Variants in TAFA1 observed in about 807,000 individuals in gnomAD.
The protein encoded by TAFA1 is chemokine-like protein TAFA-1.
TAFA1 carries 4 observed loss-of-function variants against 18.5 expected under a neutral mutation model. The ratio of observed to expected loss-of-function variants is 0.22; its 90% CI spans 0.11 to 0.49. The LOEUF (loss-of-function observed/expected upper bound fraction) is 0.49. Among genes scored for constraint, TAFA1 ranks in the 20% least tolerant of loss-of-function variants. The pLI, the probability that TAFA1 is intolerant of heterozygous loss-of-function variation, is 0.98. For synonymous variants in TAFA1, 56 were observed against 55.2 expected (o/e 1.01, Z -0.06); for missense variants, 147 against 169.0 (o/e 0.87, Z 0.72).
chr3:68,238,211 A>G (rs2066953780), intron 2 of TAFA1, among the ~76,000 whole-genome samples: 1 of 152,152 alleles, frequency 6.6e-6, no homozygotes, highest in South Asian at 2.1e-4. Flanking sequence ...CAAGTGTCCA[A>G]GAGGTGGTCT....
intron 2 of TAFA1, among the ~76,000 whole-genome samples, chr3:68,067,068 C>T (rs6792366): frequency 0.011 from 1,685 of 152,232 alleles, 36 homozygotes; most frequent in African/African-American, 0.038. Context: ...GGGTGACTGG[C>T]GTAGAGCCAG....
At position 68,019,994 on chromosome 3, in the gene TAFA1, T is replaced by A. The variant is rs562723832; in HGVS notation, c.118+13250T>A. 4.6e-5 allele frequency among the ~76,000 whole-genome samples: 7 copies of A among 152,296 alleles called. No homozygotes were observed. The South Asian group carries it at 1.4e-3, about 32-fold the overall frequency. On this transcript the variant is annotated intron_variant, in intron 2 of 4. Transcript: ENST00000478136. Reference sequence around the variant, plus strand: ...ATTGAGTAATTAAATGAGACAGGAATAAATTCAGAAACAACCAGAATAACT... The same window carrying A: ...ATTGAGTAATTAAATGAGACAGGAAAAAATTCAGAAACAACCAGAATAACT...
At position 68,333,693 on chromosome 3, in the gene TAFA1, C is replaced by T. The variant is rs1003886847; in HGVS notation, c.119-83587C>T. 2.1e-4 allele frequency among the ~76,000 whole-genome samples: 32 copies of T among 152,032 alleles called. No homozygotes were observed. The South Asian group carries it at 2.9e-3, about 14-fold the overall frequency. On this transcript the variant is annotated intron_variant, in intron 2 of 4. Coordinates refer to ENST00000478136, the MANE Select transcript of TAFA1 (RefSeq NM_213609.4). ...TTTGTGGTTGTATAACCAAAGGAAA[C>T]GAAATCAGTGAGTGAAAGAGAGATC...
At chr3:68,054,867 T>C (rs2064514454) in intron 2 of TAFA1, among the ~76,000 whole-genome samples, 2 of 152,250 alleles carry the variant, frequency 1.3e-5, no homozygotes, top group South Asian at 4.1e-4. Context: ...TCTAAGGTTA[T>C]AGCACTAGTT....
chr3:68,355,236 T>C (rs1279227649), intron 2 of TAFA1, among the ~76,000 whole-genome samples: 1 of 151,930 alleles, frequency 6.6e-6, no homozygotes, highest in African/African-American at 2.4e-5. Context: ...TCAGTCAACA[T>C]AGTCCTACTT....
At chr3:68,411,740 T>A (rs2070722694) in intron 2 of TAFA1, among the ~76,000 whole-genome samples, 1 of 152,208 alleles carries the variant, frequency 6.6e-6, no homozygotes, top group Non-Finnish European at 1.5e-5. Context: ...CCACAAAATG[T>A]GTCTTTAGAG....
At chr3:68,169,627 T>C (rs890275893) in intron 2 of TAFA1, among the ~76,000 whole-genome samples, 1 of 152,354 alleles carries the variant, frequency 6.6e-6, no homozygotes, top group Admixed American at 6.5e-5. Flanking sequence ...ATTCTATGGC[T>C]AAAGGCAAGA....
chr3:68,300,886 A>G (rs1016323093), intron 2 of TAFA1, among the ~76,000 whole-genome samples: 1 of 152,014 alleles, frequency 6.6e-6, no homozygotes, highest in Non-Finnish European at 1.5e-5. Context: ...CATGATTGTA[A>G]GTTTCTTGAG....
intron 3 of TAFA1, among the ~76,000 whole-genome samples, chr3:68,431,609 T>C (rs1364177221): frequency 6.6e-6 from 1 of 151,976 alleles, no homozygotes; most frequent in Non-Finnish European, 1.5e-5. Context: ...GTATTACTCA[T>C]GAAAGATATT....
chr3:68,236,729 A>G (rs2066931713), intron 2 of TAFA1, among the ~76,000 whole-genome samples: 1 of 152,200 alleles, frequency 6.6e-6, no homozygotes, highest in Non-Finnish European at 1.5e-5. Flanking sequence ...CTAAATATCC[A>G]TTTGAATGTC....
intron 2 of TAFA1, among the ~76,000 whole-genome samples, chr3:68,205,006 C>G (rs1260188974): frequency 1.3e-5 from 2 of 151,440 alleles, no homozygotes; most frequent in African/African-American, 4.8e-5. Context: ...TGGCCAATTG[C>G]AGATCTACAT....
At chr3:68,325,147 A>G (rs1440167885) in intron 2 of TAFA1, among the ~76,000 whole-genome samples, 2 of 152,220 alleles carry the variant, frequency 1.3e-5, no homozygotes, top group Non-Finnish European at 2.9e-5. Flanking sequence ...CAATAGAAGA[A>G]GTAGTCTGAA....
intron 2 of TAFA1, among the ~76,000 whole-genome samples, chr3:68,266,482 T>C (rs1272474971): frequency 1.3e-5 from 2 of 152,272 alleles, no homozygotes; most frequent in South Asian, 4.1e-4. Flanking sequence ...TTTGGTTTGT[T>C]TTTCATGGTT....
intron 3 of TAFA1, among the ~76,000 whole-genome samples, chr3:68,419,233 A>G (rs1411856480): frequency 6.6e-6 from 1 of 152,106 alleles, no homozygotes; most frequent in African/African-American, 2.4e-5. Context: ...GCCCCTATTC[A>G]TTGTGGTGGT....
chr3:68,075,466 T>C (rs2106758579), intron 2 of TAFA1, among the ~76,000 whole-genome samples: 1 of 152,310 alleles, frequency 6.6e-6, no homozygotes, highest in East Asian at 1.9e-4. Context: ...TATAATGAAT[T>C]GCTTTCATTT....
At chr3:68,005,749 GT>G (rs1559698720) in intron 1 of TAFA1, among the ~76,000 whole-genome samples, 3 of 152,200 alleles carry the variant, frequency 2.0e-5, no homozygotes. Flanking sequence ...GGTGCTTCAA[GT>G]TTGATTAATT....
intron 2 of TAFA1, among the ~76,000 whole-genome samples, chr3:68,167,330 C>T (rs1411789242): frequency 6.6e-6 from 1 of 152,200 alleles, no homozygotes. Context: ...GTAATCCCAG[C>T]ACTTTGGGAG....
rs116097824 is a variant in TAFA1, at chr3:68,123,298, G to A, written c.118+116554G>A. Among the ~76,000 whole-genome samples, 12 of 152,256 alleles carry A rather than the reference G, an allele frequency of 7.9e-5. No homozygotes were observed. The East Asian group carries it at 1.6e-3, about 20-fold the overall frequency. ...CCTTCGGAATAGCATCTAAGGGCTTGGCAAAGGGTCCACTTGGTTTACATA... is the reference window on the plus strand; with the variant it reads ...CCTTCGGAATAGCATCTAAGGGCTTAGCAAAGGGTCCACTTGGTTTACATA... On this transcript the variant is annotated intron_variant, in intron 2 of 4. Transcript: ENST00000478136.
chr3:68,342,057 T>C (rs2069094964), intron 2 of TAFA1, among the ~76,000 whole-genome samples: 1 of 152,204 alleles, frequency 6.6e-6, no homozygotes, highest in African/African-American at 2.4e-5. Flanking sequence ...TTAAAGCTAG[T>C]TGAGCTATGA....
Sources: allele counts gnomAD v4.1 joint callset (sites outside exome capture counted in the v4.1 genomes callset), GRCh38; gene constraint gnomAD v4.1.1; transcripts MANE v1.5; gene names NCBI Gene and HGNC (gene_info 2026-07-23, HGNC 2026-07-21).